The following EPHB1 variants were observed in gnomAD, a reference collection of about 807,000 sequenced individuals.
EPHB1 encodes the protein ephrin type-B receptor 1.
Under a neutral mutation model 94.4 loss-of-function variants are expected in EPHB1, and 30 were observed. The observed-to-expected ratio is 0.32, with a 90% CI of 0.24 to 0.43. The LOEUF is 0.43. Among genes scored for constraint, EPHB1 ranks in the 20% least tolerant of loss-of-function variants. The pLI is 1.00. For synonymous variants in EPHB1, 522 were observed against 489.1 expected (o/e 1.07, Z -0.89); for missense variants, 1,055 against 1,308.3 (o/e 0.81, Z 2.99).
At chr3:135,240,286 A>C (rs1943749920) in intron 12 of EPHB1, among the ~76,000 whole-genome samples, 1 of 152,220 alleles carries the variant, frequency 6.6e-6, no homozygotes, top group Admixed American at 6.5e-5. Flanking sequence ...GACCTGGCAC[A>C]AAGTGGTGCT....
At position 135,158,902 on chromosome 3, in the gene EPHB1, G is replaced by C. The variant is rs148784111; in HGVS notation, c.1423-3116G>C. ...CTAGGACTGGCTGGTTTAGGCCTTG[G>C]TAATTTCTACCTTTCAAATTTTAGG... On this transcript the variant is annotated intron_variant, in intron 6 of 15. Coordinates refer to ENST00000398015, the MANE Select transcript of EPHB1 (RefSeq NM_004441.5). 3.3e-3 allele frequency among the ~76,000 whole-genome samples: 508 copies of C among 152,300 alleles called. 2 individuals carry two copies. The highest frequency in any genetic ancestry group is 0.012 in the African/African-American group (479 of 41,546).
intron 12 of EPHB1, among the ~76,000 whole-genome samples, chr3:135,219,568 C>T (rs138363212): frequency 6.4e-4 from 97 of 152,092 alleles, no homozygotes; most frequent in African/African-American, 2.2e-3. Flanking sequence ...AATAGCCCTG[C>T]GAAAGCCTTG....
intron 3 of EPHB1, among the ~76,000 whole-genome samples, chr3:135,053,023 G>GTATATATATATATATATATA (rs1419499793): frequency 7.3e-4 from 50 of 68,552 alleles, no homozygotes; most frequent in Middle Eastern, 5.9e-3. Flanking sequence ...ATGTGTGTGT[G>GTATATATATATATATATATA]TGTGTATATA....
At chr3:134,841,919 G>C (rs1288853063) in intron 1 of EPHB1, among the ~76,000 whole-genome samples, 1 of 152,136 alleles carries the variant, frequency 6.6e-6, no homozygotes, top group Non-Finnish European at 1.5e-5. Context: ...CATTTCCAAA[G>C]AGTTTGAGAG....
chr3:135,238,237 C>T (rs1468331994), intron 12 of EPHB1, among the ~76,000 whole-genome samples: 2 of 152,218 alleles, frequency 1.3e-5, no homozygotes, highest in Non-Finnish European at 2.9e-5. Flanking sequence ...TGTTCTGCCT[C>T]CCAAGTCAGT....
intron 7 of EPHB1, among the ~76,000 whole-genome samples, chr3:135,162,788 A>G (rs1414632873): frequency 1.3e-5 from 2 of 152,172 alleles, no homozygotes; most frequent in Non-Finnish European, 2.9e-5. Flanking sequence ...TATTATCACT[A>G]TCTGCCCCAC....
In EPHB1 at chr3:135,259,659, A is replaced by G; in HGVS notation, c.*539A>G. 5.1e-6 allele frequency: 1 copy of G among 196,072 alleles called. No individual in the cohort carries two copies. The highest frequency in any genetic ancestry group is 1.1e-5 in the Non-Finnish European group (1 of 94,144). 12.1% of individuals were successfully genotyped at this position (196,072 alleles called of 1,614,324 possible). A position where few individuals can be genotyped will look rare whatever the true frequency, so the allele number is the denominator to read the frequency against. ...CTGAGTCTCCAGATGTTGTTCTGTC[A>G]GTTGCCAAAGGACTTTGCTGACCAC... On this transcript the variant is annotated 3_prime_UTR_variant, in exon 16 of 16. Coordinates refer to ENST00000398015, the MANE Select transcript of EPHB1 (RefSeq NM_004441.5).
chr3:135,210,061 A>G (rs1307746200), intron 12 of EPHB1, among the ~76,000 whole-genome samples: 2 of 152,148 alleles, frequency 1.3e-5, no homozygotes, highest in Non-Finnish European at 2.9e-5. Context: ...GCTGGAGAGA[A>G]ATTGGTTGAA....
chr3:135,129,055 C>G (rs1472523500), intron 4 of EPHB1, among the ~76,000 whole-genome samples: 1 of 152,176 alleles, frequency 6.6e-6, no homozygotes, highest in African/African-American at 2.4e-5. Flanking sequence ...CTCCTGCACT[C>G]AACAACCATG....
At chr3:135,225,786 C>T (rs1312016861) in intron 12 of EPHB1, among the ~76,000 whole-genome samples, 1 of 151,804 alleles carries the variant, frequency 6.6e-6, no homozygotes, top group Non-Finnish European at 1.5e-5. Flanking sequence ...CTGCCTCCCA[C>T]TCTGACAAGC....
At chr3:135,134,092 G>A (rs1260792930) in intron 5 of EPHB1, among the ~76,000 whole-genome samples, 1 of 152,244 alleles carries the variant, frequency 6.6e-6, no homozygotes, top group African/African-American at 2.4e-5. Context: ...CTCTCTCCCG[G>A]GGTTACCGTG....
At chr3:134,950,408 G>A (rs11720339) in intron 2 of EPHB1, among the ~76,000 whole-genome samples, 1 of 152,180 alleles carries the variant, frequency 6.6e-6, no homozygotes, top group African/African-American at 2.4e-5. Flanking sequence ...TTATAGTCTA[G>A]GTCTTTGCAT....
chr3:135,075,361 A>G (rs73864247), intron 3 of EPHB1, among the ~76,000 whole-genome samples: 2,256 of 152,222 alleles, frequency 0.015, 60 homozygotes, highest in African/African-American at 0.052. Context: ...GCCAGAATCC[A>G]TGAGCCATCT....
intron 1 of EPHB1, among the ~76,000 whole-genome samples, chr3:134,804,915 G>A (rs1196684405): frequency 1.3e-5 from 2 of 152,236 alleles, no homozygotes; most frequent in African/African-American, 4.8e-5. Flanking sequence ...AAAGGGCTGA[G>A]CAGGAGGATG....
chr3:135,065,584 G>T (rs1337496816), intron 3 of EPHB1, among the ~76,000 whole-genome samples: 1 of 152,170 alleles, frequency 6.6e-6, no homozygotes, highest in Non-Finnish European at 1.5e-5. Flanking sequence ...GAGTCTGTCT[G>T]TGTTAGGTGA....
chr3:135,161,446 C>T (rs375499864), intron 6 of EPHB1, among the ~76,000 whole-genome samples: 1 of 152,098 alleles, frequency 6.6e-6, no homozygotes, highest in South Asian at 2.1e-4. Flanking sequence ...GGAGGGCAGT[C>T]CAGAATGGCC....
chr3:134,941,553 C>A (rs1378647137), intron 2 of EPHB1, among the ~76,000 whole-genome samples: 1 of 152,208 alleles, frequency 6.6e-6, no homozygotes, highest in African/African-American at 2.4e-5. Context: ...ACTAATCAGA[C>A]TTGGTTCCAA....
At chr3:134,997,380 A>G (rs1337240599) in intron 3 of EPHB1, among the ~76,000 whole-genome samples, 1 of 152,146 alleles carries the variant, frequency 6.6e-6, no homozygotes, top group East Asian at 1.9e-4. Context: ...ATCTGTCTGT[A>G]GGCAGAAACC....
chr3:135,190,737 A>C (rs1942435536), intron 10 of EPHB1, among the ~76,000 whole-genome samples: 1 of 152,258 alleles, frequency 6.6e-6, no homozygotes, highest in African/African-American at 2.4e-5. Flanking sequence ...TTTCTGGATA[A>C]AGCAGAGATA....
Sources: allele counts gnomAD v4.1 joint callset (sites outside exome capture counted in the v4.1 genomes callset), GRCh38; gene constraint gnomAD v4.1.1; transcripts MANE v1.5; gene names NCBI Gene and HGNC (gene_info 2026-07-23, HGNC 2026-07-21).